Variants in MAML2 observed in about 807,000 individuals in gnomAD.
MAML2 encodes mastermind like transcriptional coactivator 2.
A neutral mutation model predicts 96.1 loss-of-function variants in MAML2; 22 were observed. The observed-to-expected ratio is 0.23, with a 90% confidence interval of 0.16 to 0.33. The LOEUF (loss-of-function observed/expected upper bound fraction) is 0.33, where lower values mean the gene tolerates loss of function less well. Among genes scored for constraint, MAML2 ranks in the 10% least tolerant of loss-of-function variants. The pLI, the probability that MAML2 is intolerant of heterozygous loss-of-function variation, is 1.00. For missense variants in MAML2, 1,367 were observed against 1,392.4 expected, an observed-to-expected ratio of 0.98 and a Z score of 0.29; for synonymous variants, 561 against 521.3, an observed-to-expected ratio of 1.08 and a Z score of -1.04.
In MAML2 at chr11:96,342,098, A is replaced by C; in HGVS notation, c.-203T>G. The stretch of plus-strand genomic sequence containing the variant: ...AAAAGAGGGTGGGGAGAAAGAATAG[A>C]AACCAACTGGGGGGAGGATAAGTTG... On this transcript the variant is annotated 5_prime_UTR_variant, in exon 1 of 5. Coordinates refer to ENST00000524717, the MANE Select transcript of MAML2 (RefSeq NM_032427.4). The C allele has an allele frequency of 3.6e-6, 2 of 560,336 alleles. No individual in the cohort carries two copies. The highest frequency in any genetic ancestry group is 3.1e-6 in the Non-Finnish European group (1 of 318,480). 34.7% of individuals were successfully genotyped at this position (560,336 alleles called of 1,614,324 possible). A position where few individuals can be genotyped will look rare whatever the true frequency, so the allele number is the denominator to read the frequency against.
At chr11:96,083,272 A>G (rs1008414521) in intron 2 of MAML2, among the ~76,000 whole-genome samples, 2 of 152,196 alleles carry the variant, frequency 1.3e-5, no homozygotes, top group African/African-American at 4.8e-5. Flanking sequence ...GGTACAAGTT[A>G]TATTTCTGCT....
At chr11:96,059,542 A>G (rs1859121865) in intron 2 of MAML2, among the ~76,000 whole-genome samples, 1 of 152,216 alleles carries the variant, frequency 6.6e-6, no homozygotes, top group Admixed American at 6.5e-5. Context: ...TATTTCGTGT[A>G]CAAGTTGAGT....
intron 2 of MAML2, among the ~76,000 whole-genome samples, chr11:96,052,595 C>T (rs1403755956): frequency 6.6e-6 from 1 of 152,164 alleles, no homozygotes; most frequent in Non-Finnish European, 1.5e-5. Flanking sequence ...TAATGATAGG[C>T]TGTGGTTCCT....
chr11:96,008,525 T>C (rs914657068), intron 2 of MAML2, among the ~76,000 whole-genome samples: 12 of 152,358 alleles, frequency 7.9e-5, no homozygotes, highest in Non-Finnish European at 1.8e-4. Flanking sequence ...TATCTGAACA[T>C]TTCTAAATAT....
chr11:96,113,900 A>G (rs10734174), intron 1 of MAML2, among the ~76,000 whole-genome samples: 1 of 151,822 alleles, frequency 6.6e-6, no homozygotes, highest in Non-Finnish European at 1.5e-5. Context: ...ATTTGAAGTC[A>G]TTCATAGAGA....
intron 1 of MAML2, among the ~76,000 whole-genome samples, chr11:96,305,786 G>A (rs1414534770): frequency 1.3e-5 from 2 of 152,094 alleles, no homozygotes; most frequent in South Asian, 4.1e-4. Flanking sequence ...TGGAAATTAA[G>A]GCAGATAAAA....
At chr11:96,111,093 A>G (rs1860112021) in intron 1 of MAML2, among the ~76,000 whole-genome samples, 1 of 152,192 alleles carries the variant, frequency 6.6e-6, no homozygotes, top group Non-Finnish European at 1.5e-5. Context: ...AGGACAGAGC[A>G]ATCCAACAAC....
At chr11:96,196,284 G>A (rs538042318) in intron 1 of MAML2, among the ~76,000 whole-genome samples, 5 of 149,998 alleles carry the variant, frequency 3.3e-5, no homozygotes, top group Non-Finnish European at 5.9e-5. Context: ...CAGTTGCTTC[G>A]GTGATTTTCA....
rs1863990882 is a variant in MAML2, at chr11:96,341,447, A to C, written c.449T>G (p.Ile150Arg). The change falls in exon 1 of 5, where the codon ATA becomes AGA. Residue 150 changes from isoleucine (I) to arginine (R), a missense_variant. Physicochemically the swap from Ile to Arg is moderately conservative, Grantham distance 97. Transcript: ENST00000524717. ...AGCGGGCGGCTGCTGCTCTCCGTTTATCCCACCACTGCCACCATTATTGCT... is the reference window on the plus strand; with the variant it reads ...AGCGGGCGGCTGCTGCTCTCCGTTTCTCCCACCACTGCCACCATTATTGCT... ...NSSNNGGSGG[I>R]NGEQQPPAST... 24 of 1,550,800 alleles carry C rather than the reference A, an allele frequency of 1.5e-5. No individual in the cohort carries two copies. The East Asian group carries it at 5.9e-4, about 38-fold the overall frequency.
chr11:96,240,314 G>T (rs185909841), intron 1 of MAML2, among the ~76,000 whole-genome samples: 4 of 152,138 alleles, frequency 2.6e-5, no homozygotes, highest in Admixed American at 6.5e-5. Flanking sequence ...ACTTTGGGAG[G>T]CCGAGGCGGG....
At chr11:96,333,723 G>T (rs1258756568) in intron 1 of MAML2, among the ~76,000 whole-genome samples, 1 of 152,162 alleles carries the variant, frequency 6.6e-6, no homozygotes, top group Non-Finnish European at 1.5e-5. Flanking sequence ...CTTTAGCCAG[G>T]GATCTGGCTT....
chr11:96,006,650 C>A (rs1354271867), intron 2 of MAML2, among the ~76,000 whole-genome samples: 1 of 149,336 alleles, frequency 6.7e-6, no homozygotes, highest in East Asian at 2.0e-4. Flanking sequence ...GCTCTGCCTC[C>A]CAGGTTCAAG....
chr11:96,043,814 A>G (rs529556126), intron 2 of MAML2, among the ~76,000 whole-genome samples: 2 of 152,360 alleles, frequency 1.3e-5, no homozygotes, highest in East Asian at 3.9e-4. Context: ...AGTTGAAAGG[A>G]TTAGAAAAAC....
At chr11:95,985,757 G>T in intron 3 of MAML2, 115 bp from the exon 4 acceptor site, 1 of 634,392 alleles carries the variant, frequency 1.6e-6, no homozygotes, top group Non-Finnish European at 2.7e-6. Context: ...GCAATCATGG[G>T]TTACAAATCA....
At chr11:96,116,433 T>G (rs1860242920) in intron 1 of MAML2, among the ~76,000 whole-genome samples, 1 of 152,218 alleles carries the variant, frequency 6.6e-6, no homozygotes, top group South Asian at 2.1e-4. Context: ...CTTGGCTCCC[T>G]GTATTGCAGT....
intron 1 of MAML2, among the ~76,000 whole-genome samples, chr11:96,276,297 T>G (rs1862986695): frequency 6.6e-6 from 1 of 152,240 alleles, no homozygotes; most frequent in Admixed American, 6.5e-5. Context: ...TCACTCTTGC[T>G]GACTGATAAC....
At chr11:96,134,351 T>A (rs1271436204) in intron 1 of MAML2, among the ~76,000 whole-genome samples, 1 of 152,254 alleles carries the variant, frequency 6.6e-6, no homozygotes, top group Non-Finnish European at 1.5e-5. Context: ...TGTACCCCAA[T>A]GCCTGGAATA....
At chr11:96,023,504 G>T (rs1406680557) in intron 2 of MAML2, among the ~76,000 whole-genome samples, 1 of 152,188 alleles carries the variant, frequency 6.6e-6, no homozygotes, top group Non-Finnish European at 1.5e-5. Flanking sequence ...CCAGAATGGA[G>T]CCTGGACCAC....
At position 96,146,086 on chromosome 11, in the gene MAML2, T is replaced by C. The variant is rs190047322; in HGVS notation, c.514-52569A>G. 4.2e-3 allele frequency among the ~76,000 whole-genome samples: 639 copies of C among 152,318 alleles called. 7 individuals carry two copies. The highest frequency in any genetic ancestry group is 0.019 in the Admixed American group (288 of 15,304). ...ACATGCAGTATGATCACATAAAATA[T>C]GGATGATTTTCAATCTACTCCTATA... On this transcript the variant is annotated intron_variant, in intron 1 of 4. Coordinates refer to ENST00000524717, the MANE Select transcript of MAML2 (RefSeq NM_032427.4).
Sources: gnomAD v4.1 joint callset for allele counts (sites outside exome capture counted in the v4.1 genomes callset) on GRCh38, gnomAD v4.1.1 for gene constraint, MANE v1.5 for transcripts, NCBI Gene and HGNC (gene_info 2026-07-23, HGNC 2026-07-21) for gene names.